The following MYL10 variants were observed in gnomAD, a reference collection of about 807,000 sequenced individuals.
MYL10 encodes myosin light chain 10.
Under a neutral mutation model 21.9 loss-of-function variants are expected in MYL10, and 18 were observed. The ratio of observed to expected loss-of-function variants is 0.82; its 90% CI spans 0.57 to 1.22. The LOEUF is 1.22. Ranked by LOEUF, MYL10 falls within the 50% of genes most tolerant of loss-of-function variation. The probability of loss-of-function intolerance (pLI) is 0.00; values close to 1 mark genes in which losing one functional copy is unlikely to be tolerated. For synonymous variants in MYL10, 88 were observed against 82.8 expected (o/e 1.06, Z -0.34); for missense variants, 225 against 230.4 (o/e 0.98, Z 0.15).
chr7:101,626,769 C>T (rs1796751647), intron 1 of MYL10, among the ~76,000 whole-genome samples: 1 of 152,200 alleles, frequency 6.6e-6, no homozygotes, highest in Admixed American at 6.5e-5. Flanking sequence ...CTTCCTCATT[C>T]CCCAGCAGTC....
At chr7:101,626,636 C>T (rs1170610600) in intron 1 of MYL10, among the ~76,000 whole-genome samples, 1 of 152,146 alleles carries the variant, frequency 6.6e-6, no homozygotes, top group African/African-American at 2.4e-5. Flanking sequence ...GACCTCGGAG[C>T]TCCAGAGGTG....
At chr7:101,620,394 G>T (rs997765464) in intron 5 of MYL10, among the ~76,000 whole-genome samples, 3 of 152,082 alleles carry the variant, frequency 2.0e-5, no homozygotes, top group Non-Finnish European at 4.4e-5. Flanking sequence ...GGCCATTGAC[G>T]GCGAGGCTGA....
intron 5 of MYL10, among the ~76,000 whole-genome samples, chr7:101,616,925 C>T (rs373275328): frequency 2.6e-4 from 39 of 152,184 alleles, no homozygotes; most frequent in Non-Finnish European, 8.8e-5. Flanking sequence ...GCTTTTATCC[C>T]GGTCACAGCA....
chr7:101,613,771 A>T, intron 6 of MYL10, 61 bp from the exon 7 acceptor site: 2 of 1,545,024 alleles, frequency 1.3e-6, no homozygotes, highest in Non-Finnish European at 1.8e-6. Flanking sequence ...GAACATGCAG[A>T]TCCCAGGGGT....
At chr7:101,619,946 G>C (rs1006932711) in intron 5 of MYL10, among the ~76,000 whole-genome samples, 2 of 150,198 alleles carry the variant, frequency 1.3e-5, no homozygotes, top group African/African-American at 4.9e-5. Context: ...ACCTTATTTG[G>C]AAAAAAGGAC....
At chr7:101,614,961 A>T (rs1232510268) in intron 6 of MYL10, among the ~76,000 whole-genome samples, 4 of 152,086 alleles carry the variant, frequency 2.6e-5, no homozygotes, top group African/African-American at 9.7e-5. Flanking sequence ...TTCTGAAGGG[A>T]CTGCGTCGGC....
chr7:101,620,578 C>T (rs1056200319), intron 5 of MYL10, among the ~76,000 whole-genome samples: 1 of 152,118 alleles, frequency 6.6e-6, no homozygotes, highest in African/African-American at 2.4e-5. Context: ...ATTATAAGCC[C>T]ATTTTACAGA....
Position 101,622,093 on chromosome 7 carries a change from C to T in MYL10, c.454+3G>A, listed in dbSNP as rs1428176301. ...CCTCCAGGACTCCAGGAGCCTGGCT[C>T]ACCCTTCAGCTTCTCCCCAAACATG... On this transcript the variant is annotated splice_donor_region_variant and intron_variant, in intron 5 of 7. Transcript: ENST00000223167. The T allele has an allele frequency of 2.5e-6, 4 of 1,612,894 alleles. No homozygotes were observed. The highest frequency in any genetic ancestry group is 1.7e-4 in the Middle Eastern group (1 of 6,054).
chr7:101,622,466 G>A (rs1458639915), intron 4 of MYL10, among the ~76,000 whole-genome samples: 3 of 152,164 alleles, frequency 2.0e-5, no homozygotes, highest in Admixed American at 1.3e-4. Context: ...CAGCTGAGGT[G>A]CACGGGGGCT....
intron 1 of MYL10, among the ~76,000 whole-genome samples, chr7:101,625,696 G>A (rs772476933): frequency 7.2e-5 from 11 of 152,268 alleles, no homozygotes; most frequent in South Asian, 2.1e-4. Context: ...CTGCCAGGGC[G>A]GCCGGGACGT....
rs376056819 is a variant in MYL10, at chr7:101,616,291, G to A, written c.462C>T (p.Asp154=). The A allele has an allele frequency of 3.7e-6, 6 of 1,613,780 alleles. No homozygotes were observed. In the African/African-American group the frequency reaches 6.7e-5, roughly 18 times the overall value. ...AGGCGTGGAGAATGGTCTCCTCTGG[G>A]TCCGTGCCTATAAGCAGCACATACA... The part of the protein sequence containing the change: ...TMFGEKLKGT[D]PEETILHAFK... Residue 154 remains aspartate, a synonymous_variant, in exon 6 of 8, where the codon GAC becomes GAT. Transcript: ENST00000223167.
rs184067325 is a variant in MYL10 at position 101,622,388 on chromosome 7, C to A, written c.350-188G>T. Among the ~76,000 whole-genome samples the A allele has an allele frequency of 3.8e-3, 584 of 152,264 alleles. 5 individuals are homozygous for A. Among genetic ancestry groups the A allele is most frequent in the African/African-American group, 0.014 (567 of 41,540 alleles). Reference sequence around the variant, plus strand: ...CAGTCAGCTTCCGGCTGCCCCCAGCCTCATGAGAAGGGAGCAAGTCACTCT... The same window carrying A: ...CAGTCAGCTTCCGGCTGCCCCCAGCATCATGAGAAGGGAGCAAGTCACTCT... On this transcript the variant is annotated intron_variant, in intron 4 of 7. Transcript: ENST00000223167.
At chr7:101,626,820 A>G (rs956936565) in intron 1 of MYL10, among the ~76,000 whole-genome samples, 2 of 152,178 alleles carry the variant, frequency 1.3e-5, no homozygotes, top group Non-Finnish European at 2.9e-5. Flanking sequence ...ATCAGGACCC[A>G]CGTGGAGAGG....
In MYL10 at chr7:101,627,978, AT is replaced by A. The variant is rs1584543665; in HGVS notation, c.78+1062del. Among the ~76,000 whole-genome samples the A allele has an allele frequency of 2.6e-5, 4 of 152,244 alleles. 1 individual carries two copies. The highest frequency in any genetic ancestry group is 1.9e-4 in the East Asian group (1 of 5,164). On this transcript the variant is annotated intron_variant, in intron 1 of 7. Transcript: ENST00000223167. ...TAGGAGGCTCAGCCATCTCATAGGAATAGGGGGGAGTGTATGAAACCCCCGG... is the reference window on the plus strand; with the variant it reads ...TAGGAGGCTCAGCCATCTCATAGGAAAGGGGGGAGTGTATGAAACCCCCGG...
chr7:101,617,439 C>A (rs1469128243), intron 5 of MYL10, among the ~76,000 whole-genome samples: 2 of 152,218 alleles, frequency 1.3e-5, no homozygotes, highest in Admixed American at 6.5e-5. Flanking sequence ...TCATTACTTG[C>A]CCAAGTCCCC....
At chr7:101,625,708 A>C (rs990733532) in intron 1 of MYL10, among the ~76,000 whole-genome samples, 2 of 152,228 alleles carry the variant, frequency 1.3e-5, no homozygotes, top group African/African-American at 4.8e-5. Context: ...CCGGGACGTT[A>C]TGATGCTGTA....
intron 5 of MYL10, among the ~76,000 whole-genome samples, chr7:101,619,326 G>C (rs570236139): frequency 6.6e-6 from 1 of 152,208 alleles, no homozygotes; most frequent in Non-Finnish European, 1.5e-5. Context: ...GGTGGGCCCA[G>C]TGATGCTCCT....
rs767002642 is a variant in MYL10, at chr7:101,624,171, C to T, written c.171+1G>A. On this transcript the variant is annotated splice_donor_variant, in intron 2 of 7. Coordinates refer to ENST00000223167, the MANE Select transcript of MYL10 (RefSeq NM_138403.5). LOFTEE classifies it high-confidence loss of function. Reference sequence around the variant, plus strand: ...ACAGCCCCATGGGGCAGCAGACCAACCTCTTTAAACTCCTGGATCTGGGAC... The same window carrying T: ...ACAGCCCCATGGGGCAGCAGACCAATCTCTTTAAACTCCTGGATCTGGGAC... 3 of 1,604,556 alleles carry T rather than the reference C, an allele frequency of 1.9e-6. No individual in the cohort carries two copies. In the South Asian group the frequency reaches 3.3e-5, roughly 18 times the overall value.
At chr7:101,614,046 G>A (rs188064390) in intron 6 of MYL10, among the ~76,000 whole-genome samples, 88 of 152,086 alleles carry the variant, frequency 5.8e-4, no homozygotes, top group Admixed American at 2.9e-3. Context: ...CCACCGCAGA[G>A]CCTCTTTTGC....
Sources: gnomAD v4.1 joint callset for allele counts (sites outside exome capture counted in the v4.1 genomes callset) on GRCh38, gnomAD v4.1.1 for gene constraint, MANE v1.5 for transcripts, NCBI Gene and HGNC (gene_info 2026-07-23, HGNC 2026-07-21) for gene names.